SGK3: variants seen among roughly 807,000 people sequenced by gnomAD.
SGK3 encodes serine/threonine-protein kinase Sgk3.
In SGK3, 47 loss-of-function variants were observed where a neutral mutation model predicts 68.5. The observed-to-expected ratio is 0.69, with a 90% CI of 0.54 to 0.87. The LOEUF is 0.87. SGK3 is among the 40% of genes least tolerant of loss of function. SGK3 has a pLI of 0.00. For missense variants in SGK3, 479 were observed against 575.5 expected (o/e 0.83, Z 1.72); for synonymous variants, 181 against 189.1 (o/e 0.96, Z 0.35).
chr8:66,761,210 A>G (rs2130461268), intron 1 of SGK3, among the ~76,000 whole-genome samples: 1 of 152,210 alleles, frequency 6.6e-6, no homozygotes, highest in African/African-American at 2.4e-5. Flanking sequence ...GCCTCAAGCA[A>G]TCCTCCTGCT....
In SGK3 at chr8:66,816,379, T is replaced by C. The variant is rs1808584785; in HGVS notation, c.329+2451T>C. On this transcript the variant is annotated intron_variant, in intron 5 of 16. Transcript: ENST00000521198. ...TTTTGTGTGTGAGACGGAGTCTTGCTCTGTAGCCCAGGCTGGAGTGCAGTG... is the reference window on the plus strand; with the variant it reads ...TTTTGTGTGTGAGACGGAGTCTTGCCCTGTAGCCCAGGCTGGAGTGCAGTG... Among the ~76,000 whole-genome samples the C allele has an allele frequency of 2.1e-5, 3 of 144,546 alleles. No individual in the cohort carries two copies. The South Asian group carries it at 6.6e-4, about 32-fold the overall frequency. 94.8% of individuals were successfully genotyped at this position (144,546 alleles called of 152,430 possible).
chr8:66,763,742 G>T (rs1291128474), intron 1 of SGK3, among the ~76,000 whole-genome samples: 1 of 151,852 alleles, frequency 6.6e-6, no homozygotes, highest in African/African-American at 2.4e-5. Context: ...TTGAAATTCA[G>T]TACTACAGGT....
intron 1 of SGK3, among the ~76,000 whole-genome samples, chr8:66,713,482 C>G (rs1423742717): frequency 6.6e-6 from 1 of 152,202 alleles, no homozygotes; most frequent in Non-Finnish European, 1.5e-5. Flanking sequence ...GACTTCTGAA[C>G]CATGAGTAGA....
chr8:66,773,142 G>T (rs955062496), intron 1 of SGK3, among the ~76,000 whole-genome samples: 2 of 152,208 alleles, frequency 1.3e-5, no homozygotes, highest in African/African-American at 4.8e-5. Context: ...GTAAGTTGTG[G>T]ATTCTGTACA....
chr8:66,802,834 T>C (rs905852956), intron 3 of SGK3, among the ~76,000 whole-genome samples: 8 of 152,066 alleles, frequency 5.3e-5, no homozygotes, highest in African/African-American at 1.9e-4. Context: ...AAAATAACAT[T>C]ATGTTACCAT....
chr8:66,828,783 T>G lies in SGK3; in HGVS notation c.467+80T>G, dbSNP rs941606390. ...TTGAGCGTATGCAGATATGTATAAT[T>G]ACACTAATTTAACTGTAGGCCTTTG... On this transcript the variant is annotated intron_variant, in intron 7 of 16. Coordinates refer to ENST00000521198, the MANE Select transcript of SGK3 (RefSeq NM_001033578.3). The G allele has an allele frequency of 2.6e-6, 4 of 1,527,034 alleles. No individual in the cohort carries two copies. The African/African-American group carries it at 5.5e-5, about 21-fold the overall frequency. The allele number at this position is 1,527,034 out of a possible 1,614,324, so 94.6% of individuals were successfully genotyped here.
At chr8:66,825,885 T>C (rs548693352) in intron 6 of SGK3, among the ~76,000 whole-genome samples, 1 of 152,346 alleles carries the variant, frequency 6.6e-6, no homozygotes, top group African/African-American at 2.4e-5. Context: ...GGGGAATCCT[T>C]GCCTAAATAA....
At chr8:66,785,282 A>G (rs1038841517) in intron 1 of SGK3, among the ~76,000 whole-genome samples, 1 of 152,166 alleles carries the variant, frequency 6.6e-6, no homozygotes, top group Non-Finnish European at 1.5e-5. Flanking sequence ...GAGTGCTTTC[A>G]CCCACAGCCA....
At chr8:66,802,831 CATT>C (rs1808002313) in intron 3 of SGK3, among the ~76,000 whole-genome samples, 1 of 152,094 alleles carries the variant, frequency 6.6e-6, no homozygotes, top group East Asian at 1.9e-4. Flanking sequence ...CAGAAAATAA[CATT>C]ATGTTACCAT....
chr8:66,835,669 C>A, intron 8 of SGK3, 94 bp from the exon 9 acceptor site: 1 of 1,351,916 alleles, frequency 7.4e-7, no homozygotes. Context: ...TTTCTTTTTA[C>A]AGAATTTAAG....
At chr8:66,812,589 TGGCTTTTA>T (rs1808421944) in intron 4 of SGK3, among the ~76,000 whole-genome samples, 1 of 150,394 alleles carries the variant, frequency 6.6e-6, no homozygotes, top group South Asian at 2.1e-4. Flanking sequence ...TTTAGGATAA[TGGCTTTTA>T]GACCGCCCCA....
intron 3 of SGK3, among the ~76,000 whole-genome samples, chr8:66,803,170 T>TTG (rs1296641141): frequency 6.6e-6 from 1 of 152,124 alleles, no homozygotes; most frequent in South Asian, 2.1e-4. Context: ...TACACATTTT[T>TTG]TGTGTGTGTG....
chr8:66,746,422 T>C (rs1204015547), intron 1 of SGK3, among the ~76,000 whole-genome samples: 1 of 152,132 alleles, frequency 6.6e-6, no homozygotes, highest in Non-Finnish European at 1.5e-5. Context: ...TCATTTAAAA[T>C]GGAGAGAGCT....
chr8:66,744,519 ATTT>A (rs55684607), intron 1 of SGK3, among the ~76,000 whole-genome samples: 26 of 21,252 alleles, frequency 1.2e-3, no homozygotes, highest in South Asian at 0.011. Flanking sequence ...ATATATATAT[ATTT>A]TTTTTTTTTT....
rs71249407 is a variant in SGK3 at position 66,786,925 on chromosome 8, C to CTT, written c.-121-6662_-121-6661dup. On this transcript the variant is annotated intron_variant, in intron 1 of 16. Coordinates refer to ENST00000521198, the MANE Select transcript of SGK3 (RefSeq NM_001033578.3). Reference sequence around the variant, plus strand: ...TCTGTGAGGGTAGGATTTTCTCTGTCTTTTTTTTTTTTTTTTTTTTTTTTT... The same window carrying CTT: ...TCTGTGAGGGTAGGATTTTCTCTGTCTTTTTTTTTTTTTTTTTTTTTTTTTTT... Among the ~76,000 whole-genome samples the CTT allele has an allele frequency of 5.6e-3, 274 of 48,690 alleles. 30 individuals carry two copies. The highest frequency in any genetic ancestry group is 0.022 in the African/African-American group (262 of 12,042). 31.9% of individuals were successfully genotyped at this position (48,690 alleles called of 152,430 possible). A position where few individuals can be genotyped will look rare whatever the true frequency, so the allele number is the denominator to read the frequency against.
chr8:66,838,941 T>C (rs1009340014), intron 10 of SGK3, among the ~76,000 whole-genome samples: 1 of 152,208 alleles, frequency 6.6e-6, no homozygotes, highest in African/African-American at 2.4e-5. Context: ...TTTATGACAC[T>C]TGGCAGATGA....
At chr8:66,803,113 T>A (rs959629256) in intron 3 of SGK3, among the ~76,000 whole-genome samples, 2 of 152,228 alleles carry the variant, frequency 1.3e-5, no homozygotes, top group Non-Finnish European at 2.9e-5. Context: ...GTCTGTTAAG[T>A]GTCATTTAAT....
chr8:66,715,357 A>C (rs1213651546), intron 1 of SGK3, among the ~76,000 whole-genome samples: 3 of 152,058 alleles, frequency 2.0e-5, no homozygotes, highest in Non-Finnish European at 2.9e-5. Flanking sequence ...TCCCGGGTTC[A>C]AGCGATTCTC....
At chr8:66,767,688 G>T in intron 1 of SGK3, 1 of 1,424,862 alleles carries the variant, frequency 7.0e-7, no homozygotes, top group Non-Finnish European at 9.9e-7. Flanking sequence ...CATCATCTGA[G>T]GCAGGAACAG....
Sources: gnomAD v4.1 joint callset for allele counts (sites outside exome capture counted in the v4.1 genomes callset) on GRCh38, gnomAD v4.1.1 for gene constraint, MANE v1.5 for transcripts, NCBI Gene and HGNC (gene_info 2026-07-23, HGNC 2026-07-21) for gene names.